The following SLCO6A1 variants were observed in gnomAD, a reference collection of about 807,000 sequenced individuals.
SLCO6A1 encodes the protein solute carrier organic anion transporter family member 6A1.
A neutral mutation model predicts 72.7 loss-of-function variants in SLCO6A1; 65 were observed. The ratio of observed to expected loss-of-function variants is 0.89; its 90% CI spans 0.73 to 1.10. The LOEUF is 1.10. SLCO6A1 is among the 50% of genes least tolerant of loss of function. SLCO6A1 has a pLI of 0.00. For missense variants in SLCO6A1, 874 were observed against 872.6 expected (o/e 1.00, Z -0.02); for synonymous variants, 314 against 298.2 (o/e 1.05, Z -0.55).
At chr5:102,388,423 G>A (rs1336967365) in intron 12 of SLCO6A1, among the ~76,000 whole-genome samples, 2 of 151,590 alleles carry the variant, frequency 1.3e-5, no homozygotes, top group Admixed American at 1.3e-4. Flanking sequence ...CTGTAGCCTC[G>A]ACCTTTCAGG....
chr5:102,393,056 A>G (rs565816373), intron 10 of SLCO6A1, among the ~76,000 whole-genome samples: 1 of 152,084 alleles, frequency 6.6e-6, no homozygotes, highest in Non-Finnish European at 1.5e-5. Context: ...CAATACTGTC[A>G]TTAAAAAATT....
At chr5:102,465,882 G>GTGAA (rs1751284282) in intron 4 of SLCO6A1, among the ~76,000 whole-genome samples, 1 of 152,076 alleles carries the variant, frequency 6.6e-6, no homozygotes, top group Non-Finnish European at 1.5e-5. Context: ...ACTGGACAAT[G>GTGAA]TGAATACTAA....
intron 12 of SLCO6A1, among the ~76,000 whole-genome samples, chr5:102,387,557 T>C (rs1396311122): frequency 6.6e-6 from 1 of 152,182 alleles, no homozygotes; most frequent in Non-Finnish European, 1.5e-5. Flanking sequence ...CATTTTGACT[T>C]TTTTGATTTT....
chr5:102,488,204 A>C (rs1752525803), intron 1 of SLCO6A1, among the ~76,000 whole-genome samples: 1 of 152,220 alleles, frequency 6.6e-6, no homozygotes, highest in East Asian at 1.9e-4. Context: ...CATTATATTA[A>C]GTATTAACTG....
intron 4 of SLCO6A1, among the ~76,000 whole-genome samples, chr5:102,465,948 G>A (rs1416040069): frequency 6.6e-6 from 1 of 152,070 alleles, no homozygotes; most frequent in Non-Finnish European, 1.5e-5. Context: ...CTACTATACA[G>A]CAGAAACCCA....
intron 10 of SLCO6A1, 134 bp from the exon 11 acceptor site, chr5:102,391,179 G>T: frequency 1.3e-6 from 1 of 789,538 alleles, no homozygotes; most frequent in Non-Finnish European, 2.1e-6. Context: ...AATTGACAGA[G>T]TTTAAGCTGG....
intron 4 of SLCO6A1, among the ~76,000 whole-genome samples, chr5:102,467,464 T>A (rs574543250): frequency 5.6e-4 from 85 of 151,990 alleles, no homozygotes; most frequent in Non-Finnish European, 1.0e-3. Context: ...GCAGGGGACC[T>A]CCCATTTATA....
chr5:102,482,989 C>A (rs903309017), intron 1 of SLCO6A1, among the ~76,000 whole-genome samples: 5 of 152,176 alleles, frequency 3.3e-5, no homozygotes, highest in African/African-American at 1.2e-4. Context: ...GTGCAACAAC[C>A]AGACGAGCTC....
In SLCO6A1 at chr5:102,388,911, T is replaced by C; in HGVS notation, c.1880-86A>G. 3.7e-5 allele frequency: 43 copies of C among 1,170,206 alleles called. 1 individual carries two copies. The highest frequency in any genetic ancestry group is 4.9e-5 in the Non-Finnish European group (41 of 843,456). The allele number at this position is 1,170,206 out of a possible 1,614,324, so 72.5% of individuals were successfully genotyped here. The stretch of plus-strand genomic sequence containing the variant: ...TGCACACACAGATAATATATATGAA[T>C]GACGACTCATCATTCAAAACATATC... On this transcript the variant is annotated intron_variant, in intron 11 of 13. Coordinates refer to ENST00000506729, the MANE Select transcript of SLCO6A1 (RefSeq NM_173488.5).
At chr5:102,444,455 T>A (rs1750004523) in intron 6 of SLCO6A1, among the ~76,000 whole-genome samples, 2 of 152,164 alleles carry the variant, frequency 1.3e-5, no homozygotes, top group Non-Finnish European at 2.9e-5. Context: ...ATCACTCTGT[T>A]TTACTTTGTG....
At chr5:102,470,250 G>C (rs898049541) in intron 4 of SLCO6A1, among the ~76,000 whole-genome samples, 1 of 152,086 alleles carries the variant, frequency 6.6e-6, no homozygotes, top group African/African-American at 2.4e-5. Context: ...GCTCTTCTTT[G>C]TACCTCTGGT....
chr5:102,422,548 T>C (rs796529190), intron 7 of SLCO6A1, among the ~76,000 whole-genome samples: 1 of 151,876 alleles, frequency 6.6e-6, no homozygotes, highest in African/African-American at 2.4e-5. Flanking sequence ...AACTTAAGGA[T>C]ATAAAGCATG....
intron 6 of SLCO6A1, among the ~76,000 whole-genome samples, chr5:102,456,801 C>T (rs1750744643): frequency 6.6e-6 from 1 of 152,172 alleles, no homozygotes; most frequent in Admixed American, 6.6e-5. Context: ...CCAAGACAAT[C>T]CTAAGCCAAA....
In SLCO6A1 at chr5:102,459,661, A is replaced by G; in HGVS notation, c.1016T>C (p.Met339Thr). ...LIPLSCFPNN[M>T]PGSTRIKARK... ...AAATTACATTTTATAGTCACCTGGC[A>G]TATTGTTTGGAAAGCATGACAATGG... The change falls in exon 5 of 14, where the codon ATG becomes ACG. Residue 339 changes from methionine (M) to threonine (T), a missense_variant. Physicochemically the swap from Met to Thr is moderately conservative, Grantham distance 81. Coordinates refer to ENST00000506729, the MANE Select transcript of SLCO6A1 (RefSeq NM_173488.5). The G allele has an allele frequency of 6.3e-7, 1 of 1,582,580 alleles. No homozygotes were observed. Among genetic ancestry groups the G allele is most frequent in the Non-Finnish European group, 8.5e-7 (1 of 1,171,018 alleles).
intron 1 of SLCO6A1, among the ~76,000 whole-genome samples, chr5:102,482,957 G>C (rs1219235357): frequency 1.3e-5 from 2 of 152,136 alleles, no homozygotes; most frequent in African/African-American, 4.8e-5. Context: ...ACTCTTCCTG[G>C]TAGCAAGGCA....
At chr5:102,409,991 T>C (rs993597005) in intron 9 of SLCO6A1, among the ~76,000 whole-genome samples, 7 of 152,152 alleles carry the variant, frequency 4.6e-5, no homozygotes, top group African/African-American at 1.4e-4. Flanking sequence ...AGTGGTGTTA[T>C]GGGATCTTTG....
chr5:102,416,376 C>T lies in SLCO6A1; in HGVS notation c.1473-3233G>A, dbSNP rs144758485. Among the ~76,000 whole-genome samples, 836 of 151,894 alleles carry T rather than the reference C, an allele frequency of 5.5e-3. 4 individuals are homozygous for T. The highest frequency in any genetic ancestry group is 0.019 in the African/African-American group (802 of 41,442). On this transcript the variant is annotated intron_variant, in intron 8 of 13. Transcript: ENST00000506729. ...TTATATATACATATATATACACACA[C>T]GTTGAATACTATTTAGTCATAAGAA...
chr5:102,439,836 G>C (rs1749739058), intron 6 of SLCO6A1, among the ~76,000 whole-genome samples: 1 of 152,182 alleles, frequency 6.6e-6, no homozygotes, highest in African/African-American at 2.4e-5. Flanking sequence ...CACAATGATG[G>C]TAGTGTTTCA....
chr5:102,462,495 G>A (rs1232175785), intron 4 of SLCO6A1, among the ~76,000 whole-genome samples: 1 of 152,172 alleles, frequency 6.6e-6, no homozygotes, highest in Non-Finnish European at 1.5e-5. Flanking sequence ...TGTACTACAA[G>A]GCTATAGTCA....
Sources: gnomAD v4.1 joint callset for allele counts (sites outside exome capture counted in the v4.1 genomes callset) on GRCh38, gnomAD v4.1.1 for gene constraint, MANE v1.5 for transcripts, NCBI Gene and HGNC (gene_info 2026-07-23, HGNC 2026-07-21) for gene names.